DLGAP2: variants seen among roughly 807,000 people sequenced by gnomAD.
DLGAP2 encodes the protein DLG associated protein 2.
DLGAP2 carries 26 observed loss-of-function variants against 100.3 expected under a neutral mutation model. The ratio of observed to expected loss-of-function variants is 0.26; its 90% CI spans 0.19 to 0.36. The LOEUF (loss-of-function observed/expected upper bound fraction) is 0.36. Among genes scored for constraint, DLGAP2 ranks in the 10% least tolerant of loss-of-function variants. The probability of loss-of-function intolerance (pLI) is 1.00; values close to 1 mark genes in which losing one functional copy is unlikely to be tolerated. For synonymous variants in DLGAP2, 886 were observed against 630.1 expected (o/e 1.41, Z -6.08); for missense variants, 1,858 against 1,453.2 (o/e 1.28, Z -4.53).
intron 3 of DLGAP2, among the ~76,000 whole-genome samples, chr8:1,494,049 G>C (rs903237911): frequency 6.6e-6 from 1 of 152,234 alleles, no homozygotes; most frequent in African/African-American, 2.4e-5. Context: ...CATCGGGGGG[G>C]GCAGTAGGAT....
intron 2 of DLGAP2, among the ~76,000 whole-genome samples, chr8:1,141,685 T>A (rs1563213459): frequency 6.6e-6 from 1 of 152,138 alleles, no homozygotes; most frequent in African/African-American, 2.4e-5. Flanking sequence ...CATAGAGGAA[T>A]GAGAAAATGA....
intron 2 of DLGAP2, among the ~76,000 whole-genome samples, chr8:1,250,859 A>G (rs961872628): frequency 1.3e-5 from 2 of 152,228 alleles, no homozygotes; most frequent in Non-Finnish European, 2.9e-5. Context: ...GGCGCCAGGT[A>G]ACGACGGGGT....
At chr8:1,284,403 C>T (rs1294360308) in intron 3 of DLGAP2, among the ~76,000 whole-genome samples, 1 of 152,058 alleles carries the variant, frequency 6.6e-6, no homozygotes, top group Non-Finnish European at 1.5e-5. Flanking sequence ...AGGTGCAGCA[C>T]GGAGAGGAGA....
At chr8:1,036,631 C>T (rs555009949) in intron 2 of DLGAP2, among the ~76,000 whole-genome samples, 27 of 152,226 alleles carry the variant, frequency 1.8e-4, no homozygotes, top group Non-Finnish European at 3.2e-4. Flanking sequence ...CTATAGAGAC[C>T]AGTGCTTGGT....
chr8:839,820 C>T (rs1563057914), intron 1 of DLGAP2, among the ~76,000 whole-genome samples: 1 of 152,244 alleles, frequency 6.6e-6, no homozygotes, highest in Non-Finnish European at 1.5e-5. Flanking sequence ...TCTGTCTCCA[C>T]TGAGATGCCT....
At chr8:960,316 A>G (rs1278325007) in intron 2 of DLGAP2, among the ~76,000 whole-genome samples, 2 of 131,560 alleles carry the variant, frequency 1.5e-5, no homozygotes, top group Non-Finnish European at 1.5e-5. Flanking sequence ...GCTCACTGCA[A>G]CCTCCACCTC....
chr8:1,615,540 A>C (rs1447490144), intron 6 of DLGAP2, among the ~76,000 whole-genome samples: 2 of 152,198 alleles, frequency 1.3e-5, no homozygotes, highest in African/African-American at 4.8e-5. Flanking sequence ...ATGATATAAA[A>C]ATGTTAGAAC....
intron 2 of DLGAP2, among the ~76,000 whole-genome samples, chr8:926,458 G>C (rs1035389353): frequency 6.6e-6 from 1 of 152,198 alleles, no homozygotes; most frequent in South Asian, 2.1e-4. Context: ...CATCCACGAT[G>C]GTAATTTCTG....
At chr8:1,082,234 G>C (rs1159018998) in intron 2 of DLGAP2, among the ~76,000 whole-genome samples, 2 of 152,160 alleles carry the variant, frequency 1.3e-5, no homozygotes, top group Non-Finnish European at 2.9e-5. Flanking sequence ...ATCCCCCAGT[G>C]TGTTGTGTTT....
At chr8:1,142,475 C>T (rs1471550846) in intron 2 of DLGAP2, among the ~76,000 whole-genome samples, 1 of 152,056 alleles carries the variant, frequency 6.6e-6, no homozygotes. Flanking sequence ...CTTATGGCTT[C>T]GATAGATATT....
chr8:1,116,925 C>T (rs895565150), intron 2 of DLGAP2, among the ~76,000 whole-genome samples: 1 of 152,222 alleles, frequency 6.6e-6, no homozygotes, highest in Non-Finnish European at 1.5e-5. Context: ...AGCAAAACCT[C>T]TTCCGCAGCC....
At chr8:1,556,257 C>G (rs1160930400) in intron 5 of DLGAP2, among the ~76,000 whole-genome samples, 2 of 152,072 alleles carry the variant, frequency 1.3e-5, no homozygotes, top group Non-Finnish European at 2.9e-5. Context: ...TAGATGGGGT[C>G]CGGCTCTGTC....
intron 2 of DLGAP2, among the ~76,000 whole-genome samples, chr8:970,905 A>G (rs11137115): frequency 0.22 from 33,858 of 152,172 alleles, 4,644 homozygotes; most frequent in Non-Finnish European, 0.31. Flanking sequence ...CTAAGAAAAT[A>G]TAAAATTTCA....
rs536609548 is a variant in DLGAP2, at chr8:1,683,418, G to C, written c.2704+4789G>C. Among the ~76,000 whole-genome samples, 5 of 151,430 alleles carry C rather than the reference G, an allele frequency of 3.3e-5. No homozygotes were observed. The South Asian group carries it at 8.3e-4, about 25-fold the overall frequency. ...AGCACTGCCCTTCATCCTGCCTGTG[G>C]GGAGGGTCTGTGCTACCTGACCTCA... On this transcript the variant is annotated intron_variant, in intron 12 of 14. Coordinates refer to ENST00000637795, the MANE Select transcript of DLGAP2 (RefSeq NM_001346810.2).
At chr8:1,624,427 C>T (rs1484117993) in intron 6 of DLGAP2, among the ~76,000 whole-genome samples, 1 of 152,002 alleles carries the variant, frequency 6.6e-6, no homozygotes, top group Non-Finnish European at 1.5e-5. Flanking sequence ...GTCCGCTGCA[C>T]ATGACTCTGT....
chr8:768,818 T>A (rs1194936682), intron 1 of DLGAP2, among the ~76,000 whole-genome samples: 1 of 152,144 alleles, frequency 6.6e-6, no homozygotes, highest in Non-Finnish European at 1.5e-5. Context: ...CATTTAAAAT[T>A]GGCATGCTTT....
chr8:1,340,006 C>T (rs1801382397), intron 3 of DLGAP2, among the ~76,000 whole-genome samples: 1 of 152,152 alleles, frequency 6.6e-6, no homozygotes, highest in South Asian at 2.1e-4. Context: ...GAAAGGGTTC[C>T]TTATTCAATC....
At chr8:925,973 C>G (rs1798805727) in intron 2 of DLGAP2, among the ~76,000 whole-genome samples, 2 of 152,182 alleles carry the variant, frequency 1.3e-5, no homozygotes, top group African/African-American at 4.8e-5. Flanking sequence ...GGAGAATGAA[C>G]ACATCACACT....
Position 1,430,011 on chromosome 8 carries a change from T to TATATATATGTATATATATATATATATAC in DLGAP2, c.107-71347_107-71346insGTATATATATATATATATACATATATAT, listed in dbSNP as rs1554467368. On this transcript the variant is annotated intron_variant, in intron 3 of 14. Transcript: ENST00000637795. ...GGGGAGAGATGCATATATATACATA[T>TATATATATGTATATATATATATATATAC]ATATATATATATATATACACACACA... 3.1e-4 allele frequency among the ~76,000 whole-genome samples: 20 copies of TATATATATGTATATATATATATATATAC among 63,964 alleles called. 2 individuals carry two copies. The highest frequency in any genetic ancestry group is 1.1e-3 in the African/African-American group (20 of 18,124). The allele number at this position is 63,964 out of a possible 152,430, so 42.0% of individuals were successfully genotyped here.
Sources: gnomAD v4.1 joint callset for allele counts (sites outside exome capture counted in the v4.1 genomes callset) on GRCh38, gnomAD v4.1.1 for gene constraint, MANE v1.5 for transcripts, NCBI Gene and HGNC (gene_info 2026-07-23, HGNC 2026-07-21) for gene names.